CTNNA3: variants seen among roughly 807,000 people sequenced by gnomAD.
The protein encoded by CTNNA3 is catenin alpha 3.
A neutral mutation model predicts 95.7 loss-of-function variants in CTNNA3; 76 were observed. That is an observed-to-expected ratio of 0.79 (90% CI 0.66 to 0.96). The LOEUF (loss-of-function observed/expected upper bound fraction) is 0.96. Ranked by LOEUF, CTNNA3 falls within the 40% of genes least tolerant of loss-of-function variation. The probability of loss-of-function intolerance (pLI) is 0.00; values close to 1 mark genes in which losing one functional copy is unlikely to be tolerated. For synonymous variants in CTNNA3, 431 were observed against 374.4 expected, an observed-to-expected ratio of 1.15 and a Z score of -1.74; for missense variants, 1,191 against 1,089.8, an observed-to-expected ratio of 1.09 and a Z score of -1.31.
chr10:66,933,514 GC>G (rs762283987), intron 7 of CTNNA3, among the ~76,000 whole-genome samples: 2 of 151,988 alleles, frequency 1.3e-5, no homozygotes, highest in African/African-American at 2.4e-5. Flanking sequence ...TGTTTATATG[GC>G]AACATGACAT....
chr10:67,352,704 C>T (rs937578204), intron 5 of CTNNA3, among the ~76,000 whole-genome samples: 8 of 151,902 alleles, frequency 5.3e-5, no homozygotes, highest in African/African-American at 1.7e-4. Flanking sequence ...AGTACTCTCA[C>T]AACGGATTAA....
intron 1 of CTNNA3, among the ~76,000 whole-genome samples, chr10:67,692,204 C>T (rs928286895): frequency 6.6e-6 from 1 of 150,732 alleles, no homozygotes; most frequent in Non-Finnish European, 1.5e-5. Flanking sequence ...AAGTGAGGAG[C>T]CCCTCTGCCC....
At chr10:66,626,283 C>A (rs1484180035) in intron 9 of CTNNA3, among the ~76,000 whole-genome samples, 1 of 152,078 alleles carries the variant, frequency 6.6e-6, no homozygotes, top group Admixed American at 6.6e-5. Context: ...AGGTATTTAC[C>A]TGTAATATGA....
intron 13 of CTNNA3, among the ~76,000 whole-genome samples, chr10:66,105,079 A>C (rs2081833427): frequency 6.6e-6 from 1 of 152,136 alleles, no homozygotes; most frequent in Non-Finnish European, 1.5e-5. Context: ...CATTTATTTC[A>C]ACCAATTCCT....
chr10:67,107,866 G>T (rs561971390), intron 7 of CTNNA3, among the ~76,000 whole-genome samples: 9 of 152,186 alleles, frequency 5.9e-5, no homozygotes, highest in Non-Finnish European at 1.3e-4. Flanking sequence ...TCCTCTTCCT[G>T]TGTGGAACTT....
At chr10:66,834,814 C>CT (rs1215527675) in intron 7 of CTNNA3, among the ~76,000 whole-genome samples, 1 of 152,180 alleles carries the variant, frequency 6.6e-6, no homozygotes, top group East Asian at 1.9e-4. Context: ...TTAAACTGTG[C>CT]TTTTCATGCA....
chr10:67,720,145 T>G, intron 1 of CTNNA3, among the ~76,000 whole-genome samples: 1 of 102,818 alleles, frequency 9.7e-6, no homozygotes, highest in Non-Finnish European at 2.1e-5. Context: ...TTTTTTTTTT[T>G]TTTTTTTGCT....
At chr10:66,165,992 T>G (rs967739754) in intron 13 of CTNNA3, among the ~76,000 whole-genome samples, 2 of 151,960 alleles carry the variant, frequency 1.3e-5, no homozygotes, top group Admixed American at 1.3e-4. Flanking sequence ...GGTCTTGAAC[T>G]CCTGACCTTG....
rs560662174 is a variant in CTNNA3, at chr10:66,640,205, T to C, written c.1282-18421A>G. ...TCCCCTCTATTGCATATCACAGAGC[T>C]CTGGCCATATCTCCTCTTCATATTG... On this transcript the variant is annotated intron_variant, in intron 9 of 17. Transcript: ENST00000433211. Among the ~76,000 whole-genome samples the C allele has an allele frequency of 2.8e-4, 42 of 152,236 alleles. No individual in the cohort carries two copies. In the Middle Eastern group the frequency reaches 0.01, roughly 37 times the overall value.
chr10:67,378,811 A>T (rs1333640381), intron 5 of CTNNA3, among the ~76,000 whole-genome samples: 2 of 152,158 alleles, frequency 1.3e-5, no homozygotes, highest in Non-Finnish European at 2.9e-5. Flanking sequence ...TATTTAATAG[A>T]TCATTTTATG....
rs754346518 is a variant in CTNNA3 at position 66,621,742 on chromosome 10, T to C, written c.1324A>G (p.Ile442Val). The C allele has an allele frequency of 4.3e-6, 7 of 1,612,396 alleles. No individual in the cohort carries two copies. The African/African-American group carries it at 8.0e-5, about 18-fold the overall frequency. ...ACSMSTNEDG[I>V]KIVKIAANHL... Reference sequence around the variant, plus strand: ...TTGGCTGCAATTTTGACAATTTTAATTCCATCTTCATTTGTTGACATGGAA... The same window carrying C: ...TTGGCTGCAATTTTGACAATTTTAACTCCATCTTCATTTGTTGACATGGAA... The change falls in exon 10 of 18, where the codon ATT (isoleucine) becomes GTT (valine). Residue 442 changes from isoleucine to valine, a missense_variant. By Grantham distance (29) the Ile-to-Val change is conservative. Coordinates refer to ENST00000433211, the MANE Select transcript of CTNNA3 (RefSeq NM_013266.4).
At chr10:66,525,952 G>T (rs1360137731) in intron 10 of CTNNA3, among the ~76,000 whole-genome samples, 3 of 152,042 alleles carry the variant, frequency 2.0e-5, no homozygotes, top group Non-Finnish European at 4.4e-5. Context: ...TATTTTCAAG[G>T]TTTATTCAAG....
intron 7 of CTNNA3, among the ~76,000 whole-genome samples, chr10:66,862,036 G>A (rs964978014): frequency 2.6e-5 from 4 of 152,040 alleles, no homozygotes; most frequent in African/African-American, 9.7e-5. Context: ...CTGATATGGT[G>A]AAAAACCGTC....
intron 15 of CTNNA3, among the ~76,000 whole-genome samples, chr10:66,015,193 G>C (rs866525845): frequency 6.6e-6 from 1 of 152,096 alleles, no homozygotes. Flanking sequence ...GATGCTAAAT[G>C]ATTTTTAAAA....
chr10:66,459,071 C>A (rs894316160), intron 11 of CTNNA3, among the ~76,000 whole-genome samples: 2 of 152,176 alleles, frequency 1.3e-5, no homozygotes, highest in Non-Finnish European at 2.9e-5. Context: ...CCAGAGACAG[C>A]AAGACCAGCT....
chr10:67,338,103 G>A (rs1022349155), intron 5 of CTNNA3, among the ~76,000 whole-genome samples: 24 of 152,128 alleles, frequency 1.6e-4, no homozygotes, highest in African/African-American at 5.8e-4. Flanking sequence ...GGCTATTCTT[G>A]TACTGCTGTA....
intron 7 of CTNNA3, among the ~76,000 whole-genome samples, chr10:67,144,694 G>T (rs1203460493): frequency 6.6e-6 from 1 of 152,138 alleles, no homozygotes; most frequent in East Asian, 1.9e-4. Context: ...AAGAGGGTTA[G>T]GTTCTTTCTC....
chr10:66,005,382 T>C (rs2078859038), intron 15 of CTNNA3, among the ~76,000 whole-genome samples: 1 of 152,244 alleles, frequency 6.6e-6, no homozygotes, highest in African/African-American at 2.4e-5. Flanking sequence ...TTGGGATAAA[T>C]TGACGGTGTT....
At chr10:66,742,304 C>T (rs1031323807) in intron 9 of CTNNA3, among the ~76,000 whole-genome samples, 6 of 152,126 alleles carry the variant, frequency 3.9e-5, no homozygotes, top group East Asian at 1.9e-4. Flanking sequence ...AGGAAATTCC[C>T]GCCTAATAAA....
Sources: gnomAD v4.1 joint callset for allele counts (sites outside exome capture counted in the v4.1 genomes callset) on GRCh38, gnomAD v4.1.1 for gene constraint, MANE v1.5 for transcripts, NCBI Gene and HGNC (gene_info 2026-07-23, HGNC 2026-07-21) for gene names.